The following NOX4 variants were observed in gnomAD, a reference collection of about 807,000 sequenced individuals.
The protein encoded by NOX4 is NADPH oxidase 4.
Under a neutral mutation model 87.6 loss-of-function variants are expected in NOX4, and 69 were observed. The ratio of observed to expected loss-of-function variants is 0.79; its 90% CI spans 0.65 to 0.96. NOX4 has a LOEUF of 0.96. Ranked by LOEUF, NOX4 falls within the 40% of genes least tolerant of loss-of-function variation. The pLI is 0.00. For synonymous variants in NOX4, 275 were observed against 238.2 expected, an observed-to-expected ratio of 1.15 and a Z score of -1.42; for missense variants, 680 against 681.5, an observed-to-expected ratio of 1.00 and a Z score of 0.02.
the NOX4 span, among the ~76,000 whole-genome samples, chr11:89,518,758 A>C: frequency 4.5e-4 from 68 of 152,214 alleles, no homozygotes; most frequent in African/African-American, 1.4e-3. Context: ...GTTGGTCCTT[A>C]ATGAACCATG....
At position 89,335,879 on chromosome 11, in the gene NOX4, G is replaced by A. The variant is rs142541546; in HGVS notation, c.1582C>T (p.Leu528Phe). Reference sequence around the variant, plus strand: ...TATTTTGCTATTTCATCAAACAAAAGTTTCCACCGAGGACGTCCTATAAAC... The same window carrying A: ...TATTTTGCTATTTCATCAAACAAAAATTTCCACCGAGGACGTCCTATAAAC... ...RLFIGRPRWK[L>F]LFDEIAKYNR... is the part of the protein sequence containing the mutation. Residue 528 changes from leucine (L) to phenylalanine (F), a missense_variant, in exon 17 of 18, where the codon CTT becomes TTT. Coordinates refer to ENST00000263317, the MANE Select transcript of NOX4 (RefSeq NM_016931.5). 7 of 1,600,296 alleles carry A rather than the reference G, an allele frequency of 4.4e-6. No homozygotes were observed. The East Asian group carries it at 1.4e-4, about 31-fold the overall frequency.
At chr11:89,410,655 C>T (rs1010067606) in intron 8 of NOX4, among the ~76,000 whole-genome samples, 4 of 152,162 alleles carry the variant, frequency 2.6e-5, no homozygotes, top group African/African-American at 9.7e-5. Flanking sequence ...TCAGCCAGAG[C>T]CCACAGAGGG....
chr11:89,367,027 T>C lies in NOX4; in HGVS notation c.1135+6405A>G, dbSNP rs570963209. Among the ~76,000 whole-genome samples the C allele has an allele frequency of 2.0e-5, 3 of 152,254 alleles. No homozygotes were observed. In the East Asian group the frequency reaches 5.8e-4, roughly 30 times the overall value. On this transcript the variant is annotated intron_variant, in intron 12 of 17. Coordinates refer to ENST00000263317, the MANE Select transcript of NOX4 (RefSeq NM_016931.5). The stretch of plus-strand genomic sequence containing the variant: ...TTTCCTGATAAAAAAATTTCCTTGA[T>C]TTCTGAGGCTGTAGAATTTATGCCC...
At chr11:89,470,370 C>T in intron 2 of NOX4, among the ~76,000 whole-genome samples, 1 of 151,912 alleles carries the variant, frequency 6.6e-6, no homozygotes, top group East Asian at 1.9e-4. Flanking sequence ...CTCATATGAT[C>T]TAAAGAATTC....
the NOX4 span, among the ~76,000 whole-genome samples, chr11:89,509,725 G>A: frequency 6.6e-6 from 1 of 151,934 alleles, no homozygotes; most frequent in African/African-American, 2.4e-5. Context: ...AGGGCAGAAA[G>A]TAAACCATTT....
chr11:89,392,470 C>T (rs1471147263), intron 11 of NOX4, among the ~76,000 whole-genome samples: 1 of 152,144 alleles, frequency 6.6e-6, no homozygotes, highest in Non-Finnish European at 1.5e-5. Flanking sequence ...CATTATTTCC[C>T]AAAGTGGTCA....
intron 8 of NOX4, among the ~76,000 whole-genome samples, chr11:89,406,588 C>T (rs1354225030): frequency 6.6e-6 from 1 of 152,092 alleles, no homozygotes; most frequent in Non-Finnish European, 1.5e-5. Flanking sequence ...AAGGCATGCA[C>T]AGTCTAGAGC....
the NOX4 span, among the ~76,000 whole-genome samples, chr11:89,547,034 G>A: frequency 6.6e-6 from 1 of 152,064 alleles, no homozygotes; most frequent in Admixed American, 6.6e-5. Context: ...TGTATATAAA[G>A]CACATAACAA....
chr11:89,490,364 A>G (rs1340192855), intron 2 of NOX4, 94 bp downstream of exon 2: 2 of 830,618 alleles, frequency 2.4e-6, no homozygotes, highest in Admixed American at 1.9e-5. Flanking sequence ...TGAAGAGTGC[A>G]CATTTCTTTA....
intron 4 of NOX4, among the ~76,000 whole-genome samples, chr11:89,448,238 G>A (rs1459849450): frequency 1.3e-5 from 2 of 152,010 alleles, no homozygotes; most frequent in African/African-American, 4.8e-5. Context: ...AACAACAACA[G>A]CAAATTGAGG....
In NOX4 at chr11:89,402,500, G is replaced by A. The variant is rs140381222; in HGVS notation, c.672C>T (p.Pro224=). 1,898 of 1,611,256 alleles carry A rather than the reference G, an allele frequency of 1.2e-3. 1 individual carries two copies. The highest frequency in any genetic ancestry group is 1.5e-3 in the Non-Finnish European group (1,732 of 1,179,054). The change falls in exon 9 of 18, where the codon CCC becomes CCT. Residue 224 remains proline, a synonymous_variant. Transcript: ENST00000263317. Reference sequence around the variant, plus strand: ...TGGTTCGGTTAAGACTGATGCAGCCGGGAGGGTGGGTATCTAAATTAGTTT... The same window carrying A: ...TGGTTCGGTTAAGACTGATGCAGCCAGGAGGGTGGGTATCTAAATTAGTTT... ...KYQTNLDTHP[P]GCISLNRTSS...
intron 17 of NOX4, among the ~76,000 whole-genome samples, chr11:89,330,184 C>T (rs745310142): frequency 6.6e-6 from 1 of 151,882 alleles, no homozygotes; most frequent in Admixed American, 6.6e-5. Flanking sequence ...CCCATTCCTA[C>T]AAAAAATTTT....
the NOX4 span, among the ~76,000 whole-genome samples, chr11:89,563,735 T>C: frequency 1.3e-5 from 2 of 152,188 alleles, no homozygotes; most frequent in Non-Finnish European, 2.9e-5. Context: ...TTGTAGAAAA[T>C]GAATTTATAT....
rs148590296 is a variant in NOX4, at chr11:89,488,053, G to C, written c.153+2405C>G. Among the ~76,000 whole-genome samples the C allele has an allele frequency of 3.4e-3, 517 of 152,084 alleles. 1 individual carries two copies. Among genetic ancestry groups the C allele is most frequent in the African/African-American group, 0.012 (481 of 41,502 alleles). On this transcript the variant is annotated intron_variant, in intron 2 of 17. Transcript: ENST00000263317. ...ATTCATAACAGATAATTACTGAGAA[G>C]TTTATAAGTCATATTTTATCTCTCA...
At chr11:89,541,243 C>T in the NOX4 span, among the ~76,000 whole-genome samples, 1 of 152,158 alleles carries the variant, frequency 6.6e-6, no homozygotes, top group East Asian at 1.9e-4. Context: ...TTGTCTATAG[C>T]TAGATCCTTG....
intron 2 of NOX4, among the ~76,000 whole-genome samples, chr11:89,483,448 A>G (rs1946472303): frequency 6.6e-6 from 1 of 152,166 alleles, no homozygotes; most frequent in Non-Finnish European, 1.5e-5. Flanking sequence ...ATTTGTGACA[A>G]CATGAAAGGA....
the NOX4 span, among the ~76,000 whole-genome samples, chr11:89,570,659 T>A: frequency 2.0e-5 from 3 of 152,180 alleles, no homozygotes; most frequent in African/African-American, 7.2e-5. Flanking sequence ...TAGGGAGACC[T>A]TGTCTCTATG....
chr11:89,558,819 G>A, the NOX4 span, among the ~76,000 whole-genome samples: 1 of 151,938 alleles, frequency 6.6e-6, no homozygotes, highest in Non-Finnish European at 1.5e-5. Flanking sequence ...CCTCTCACTG[G>A]GTATACGCCA....
At position 89,359,230 on chromosome 11, in the gene NOX4, A is replaced by C. The variant is rs375959263; in HGVS notation, c.1136-4187T>G. 3.8e-3 allele frequency among the ~76,000 whole-genome samples: 574 copies of C among 152,198 alleles called. 4 individuals carry two copies. The highest frequency in any genetic ancestry group is 0.013 in the African/African-American group (542 of 41,520). ...GATGAGAAAATTAAAATCCTCTTTCAATTTCTAATTGAAACTTTTTCTACA... is the reference window on the plus strand; with the variant it reads ...GATGAGAAAATTAAAATCCTCTTTCCATTTCTAATTGAAACTTTTTCTACA... On this transcript the variant is annotated intron_variant, in intron 12 of 17. Transcript: ENST00000263317.
Sources: gnomAD v4.1 joint callset for allele counts (sites outside exome capture counted in the v4.1 genomes callset) on GRCh38, gnomAD v4.1.1 for gene constraint, MANE v1.5 for transcripts, NCBI Gene and HGNC (gene_info 2026-07-23, HGNC 2026-07-21) for gene names.